The following TOP2A variants were observed in gnomAD, a reference collection of about 807,000 sequenced individuals.
TOP2A encodes the protein DNA topoisomerase II alpha, also known as DNA topoisomerase 2-alpha.
TOP2A carries 68 observed loss-of-function variants against 187.2 expected under a neutral mutation model. That is an observed-to-expected ratio of 0.36 (90% CI 0.30 to 0.44). The LOEUF (loss-of-function observed/expected upper bound fraction) is 0.44, where lower values mean the gene tolerates loss of function less well. Among genes scored for constraint, TOP2A ranks in the 20% least tolerant of loss-of-function variants. The pLI is 1.00. For synonymous variants in TOP2A, 542 were observed against 593.2 expected (o/e 0.91, Z 1.25); for missense variants, 1,196 against 1,808.7 (o/e 0.66, Z 6.14).
intron 4 of TOP2A, among the ~76,000 whole-genome samples, chr17:40,414,171 G>A (rs1043779808): frequency 3.9e-5 from 6 of 152,146 alleles, no homozygotes; most frequent in African/African-American, 1.2e-4. Context: ...GGAAAGAAAA[G>A]GACAATCTGG....
chr17:40,395,220 T>C (rs2035077774), intron 29 of TOP2A, among the ~76,000 whole-genome samples: 2 of 149,858 alleles, frequency 1.3e-5, no homozygotes, highest in South Asian at 4.2e-4. Context: ...GAGGTGAAGA[T>C]TGCAGTGAGC....
chr17:40,416,563 C>G, intron 2 of TOP2A, 51 bp from the exon 3 acceptor site: 1 of 1,478,556 alleles, frequency 6.8e-7, no homozygotes, highest in Non-Finnish European at 9.4e-7. Context: ...ATTCATTGTT[C>G]TGTTATCATG....
chr17:40,416,570 C>T, intron 2 of TOP2A, 58 bp from the exon 3 acceptor site: 1 of 1,460,378 alleles, frequency 6.8e-7, no homozygotes, highest in South Asian at 1.2e-5. Flanking sequence ...GTTCTGTTAT[C>T]ATGATTACCA....
Position 40,400,841 on chromosome 17 carries a change from A to T in TOP2A, c.2664+9T>A, listed in dbSNP as rs758665462. On this transcript the variant is annotated intron_variant, in intron 21 of 34. Coordinates refer to ENST00000423485, the MANE Select transcript of TOP2A (RefSeq NM_001067.4). ...AAGTTAAGGCTCTTAACACACACAG[A>T]ATACTTACCATTGGCAAAGGTTCTT... 2 of 1,613,264 alleles carry T rather than the reference A, an allele frequency of 1.2e-6. No individual in the cohort carries two copies. The highest frequency in any genetic ancestry group is 2.2e-5 in the South Asian group (2 of 91,066).
intron 27 of TOP2A, among the ~76,000 whole-genome samples, chr17:40,396,889 GTTTTT>G (rs1046671324): frequency 2.8e-5 from 4 of 145,074 alleles, no homozygotes; most frequent in Non-Finnish European, 6.1e-5. Flanking sequence ...GCTTTTGGTG[GTTTTT>G]TTTTTGTTTT....
At chr17:40,415,455 C>A (rs2035379105) in intron 4 of TOP2A, among the ~76,000 whole-genome samples, 2 of 152,006 alleles carry the variant, frequency 1.3e-5, no homozygotes, top group African/African-American at 4.8e-5. Flanking sequence ...AAATAAGCAC[C>A]CTGATCACCC....
rs980077101 is a variant in TOP2A at position 40,401,086 on chromosome 17, A to C, written c.2433-5T>G. 3 of 1,607,986 alleles carry C rather than the reference A, an allele frequency of 1.9e-6. No homozygotes were observed. The African/African-American group carries it at 4.0e-5, about 22-fold the overall frequency. On this transcript the variant is annotated splice_polypyrimidine_tract_variant and splice_region_variant and intron_variant, in intron 20 of 34. Transcript: ENST00000423485. ...AATAACAATCGAGCCAAAGAGCTAA[A>C]GAAAAGAAACAAAGAATGTTATTTT...
In TOP2A at chr17:40,417,723, C is replaced by T. The variant is rs368977785; in HGVS notation, c.21+48G>A. 9 of 1,610,490 alleles carry T rather than the reference C, an allele frequency of 5.6e-6. No homozygotes were observed. The African/African-American group carries it at 9.3e-5, about 17-fold the overall frequency. ...CCCGTCACGGGCGGCCAGAGAGATG[C>T]CCGGGCCGCGCGGAGGCTCCACCGC... On this transcript the variant is annotated intron_variant, in intron 1 of 34. Transcript: ENST00000423485.
intron 17 of TOP2A, 76 bp downstream of exon 17, chr17:40,404,715 G>T: frequency 2.0e-6 from 2 of 1,007,978 alleles, no homozygotes; most frequent in Non-Finnish European, 3.0e-6. Context: ...TATTCAGTAA[G>T]TTTAATTTGC....
At chr17:40,389,824 TAAAAC>T in intron 34 of TOP2A, 136 bp downstream of exon 34, 1 of 1,248,140 alleles carries the variant, frequency 8.0e-7, no homozygotes, top group East Asian at 2.5e-5. Context: ...TTAACTTTGT[TAAAAC>T]TAAATATGTA....
Position 40,416,128 on chromosome 17 carries a change from C to T in TOP2A, c.269-60G>A, listed in dbSNP as rs78588355. 2,689 of 1,289,238 alleles carry T rather than the reference C, an allele frequency of 2.1e-3. 42 individuals carry two copies. In the African/African-American group the frequency reaches 0.034, roughly 16 times the overall value. The allele number at this position is 1,289,238 out of a possible 1,614,324, so 79.9% of individuals were successfully genotyped here. On this transcript the variant is annotated intron_variant, in intron 3 of 34. Coordinates refer to ENST00000423485, the MANE Select transcript of TOP2A (RefSeq NM_001067.4). Reference sequence around the variant, plus strand: ...TAGTGTTTTAAGAAACATTCTGTAACTCTAAGTAAGATATAGAAAAAAAAG... The same window carrying T: ...TAGTGTTTTAAGAAACATTCTGTAATTCTAAGTAAGATATAGAAAAAAAAG...
intron 7 of TOP2A, 65 bp downstream of exon 7, chr17:40,412,694 C>A (rs2035337629): frequency 7.4e-7 from 1 of 1,357,182 alleles, no homozygotes; most frequent in Non-Finnish European, 1.0e-6. Flanking sequence ...GGAAAAAATT[C>A]AATTTTGCAC....
In TOP2A at chr17:40,413,247, G is replaced by C; in HGVS notation, c.524C>G (p.Thr175Ser). The change falls in exon 6 of 35, where the codon ACC becomes AGC. Residue 175 changes from threonine to serine, a missense_variant. Transcript: ENST00000423485. ...YGAKLCNIFSTKFTVETASRE... is the reference protein window; with the variant it reads ...YGAKLCNIFSSKFTVETASRE... ...ACTGGCTGTTTCCACAGTAAATTTG[G>C]TACTGAATATGTTACACAATTTGGC... 6.4e-7 allele frequency: 1 copy of C among 1,566,786 alleles called. No homozygotes were observed. The highest frequency in any genetic ancestry group is 8.7e-7 in the Non-Finnish European group (1 of 1,153,918).
At chr17:40,391,398 T>C in intron 33 of TOP2A, 108 bp downstream of exon 33, 1 of 1,128,038 alleles carries the variant, frequency 8.9e-7, no homozygotes, top group Non-Finnish European at 1.2e-6. Context: ...GGAAAACATT[T>C]AATCTGTAAT....
At chr17:40,394,364 GC>G (rs576757853) in intron 29 of TOP2A, among the ~76,000 whole-genome samples, 13 of 152,124 alleles carry the variant, frequency 8.5e-5, no homozygotes, top group Non-Finnish European at 1.9e-4. Context: ...TTGGAGTCTT[GC>G]TCTGTCACCC....
chr17:40,404,862 C>T lies in TOP2A; in HGVS notation c.1975G>A (p.Asp659Asn). The change falls in exon 17 of 35, where the codon GAT becomes AAT. Residue 659 changes from aspartate (D) to asparagine (N), a missense_variant. Asp to Asn is a conservative substitution (Grantham distance 23, BLOSUM62 1). Transcript: ENST00000423485. ...TTAGTTAACCATTCCTTTCGATCATCTATCTGTTTTTTGCTAAAGGCCTAT... is the reference window on the plus strand; with the variant it reads ...TTAGTTAACCATTCCTTTCGATCATTTATCTGTTTTTTGCTAAAGGCCTAT... The part of the protein sequence containing the change: ...ISLAFSKKQI[D>N]DRKEWLTNFM... The T allele has an allele frequency of 1.3e-6, 2 of 1,591,700 alleles. No homozygotes were observed. The highest frequency in any genetic ancestry group is 2.2e-5 in the East Asian group (1 of 44,502).
chr17:40,402,993 T>C lies in TOP2A; in HGVS notation c.2345A>G (p.Asn782Ser). The C allele has an allele frequency of 6.2e-7, 1 of 1,604,042 alleles. No homozygotes were observed. The highest frequency in any genetic ancestry group is 8.5e-7 in the Non-Finnish European group (1 of 1,174,872). Residue 782 changes from asparagine to serine, a missense_variant, in exon 20 of 35, where the codon AAC becomes AGC. Coordinates refer to ENST00000423485, the MANE Select transcript of TOP2A (RefSeq NM_001067.4). ...AAACTGACCAATGGGCTGCAAGAGG[T>C]TTAGATTATTGCTACCCACAAAATT... is the stretch of plus-strand genomic sequence containing the variant. ...AQNFVGSNNL[N>S]LLQPIGQFGT...
At position 40,389,948 on chromosome 17, in the gene TOP2A, C is replaced by A. The variant is rs772244612; in HGVS notation, c.4467+17G>T. 4 of 1,607,426 alleles carry A rather than the reference C, an allele frequency of 2.5e-6. No homozygotes were observed. The highest frequency in any genetic ancestry group is 3.4e-6 in the Non-Finnish European group (4 of 1,176,656). ...AGAACATCTACAGCAAAAGGACTGA[C>A]TAGGATCAACACTCACCTTGCTTGT... is the stretch of plus-strand genomic sequence containing the variant. On this transcript the variant is annotated intron_variant, in intron 34 of 34. Transcript: ENST00000423485.
Position 40,406,684 on chromosome 17 carries a change from A to G in TOP2A, c.1743T>C (p.Ser581=). Residue 581 remains serine (S), a synonymous_variant, in exon 15 of 35, where the codon TCT becomes TCC. Coordinates refer to ENST00000423485, the MANE Select transcript of TOP2A (RefSeq NM_001067.4). ...EEFITPIVKV[S]KNKQEMAFYS... ...AAAATGCCATTTCTTGCTTGTTTTT[A>G]GATACCTGTGATAAAAAACAATGAC... is the stretch of plus-strand genomic sequence containing the variant. The G allele has an allele frequency of 6.2e-7, 1 of 1,611,888 alleles. No homozygotes were observed. The highest frequency in any genetic ancestry group is 8.5e-7 in the Non-Finnish European group (1 of 1,179,004).
Sources: allele counts gnomAD v4.1 joint callset (sites outside exome capture counted in the v4.1 genomes callset), GRCh38; gene constraint gnomAD v4.1.1; transcripts MANE v1.5; gene names NCBI Gene and HGNC (gene_info 2026-07-23, HGNC 2026-07-21).